The following TP53BP2 variants were observed in gnomAD, a reference collection of about 807,000 sequenced individuals.
The protein encoded by TP53BP2 is apoptosis-stimulating of p53 protein 2.
A neutral mutation model predicts 126.2 loss-of-function variants in TP53BP2; 62 were observed. The observed-to-expected ratio is 0.49, with a 90% CI of 0.40 to 0.61. The LOEUF is 0.61. TP53BP2 is among the 20% of genes least tolerant of loss of function. The pLI is 0.00. For synonymous variants in TP53BP2, 485 were observed against 502.9 expected (o/e 0.96, Z 0.48); for missense variants, 1,215 against 1,402.8 (o/e 0.87, Z 2.14).
Position 223,798,656 on chromosome 1 carries a change from T to C in TP53BP2, c.1507A>G (p.Lys503Glu). 6.2e-7 allele frequency: 1 copy of C among 1,608,078 alleles called. No homozygotes were observed. The highest frequency in any genetic ancestry group is 8.5e-7 in the Non-Finnish European group (1 of 1,176,986). ...DAQVANKNVA[K>E]VPPPVPTKPK... ...TTTGTAGGAACAGGAGGTGGTACTT[T>C]AGCCACATTTTTATTTGCAACCTAT... The change falls in exon 12 of 18, where the codon AAA becomes GAA. Residue 503 changes from lysine (K) to glutamate (E), a missense_variant. Lys to Glu is a moderately conservative substitution (Grantham distance 56, BLOSUM62 1). Coordinates refer to ENST00000343537, the MANE Select transcript of TP53BP2 (RefSeq NM_001031685.3).
rs1483620870 is a variant in TP53BP2 at position 223,798,569 on chromosome 1, G to A, written c.1594C>T (p.Pro532Ser). Residue 532 changes from proline to serine, a missense_variant, in exon 12 of 18, where the codon CCA (proline) becomes TCA (serine). Transcript: ENST00000343537. ...GACAACTGCTGAGAACTTCCGTCTG[G>A]CTTAATGTCTGAAGGTGGCTGATTA... ...QTNQPPSDIK[P>S]DGSSQQLSTV... 1 of 1,614,038 alleles carries A rather than the reference G, an allele frequency of 6.2e-7. No individual in the cohort carries two copies. Among genetic ancestry groups the A allele is most frequent in the Admixed American group, 1.7e-5 (1 of 60,002 alleles).
At chr1:223,831,153 C>G (rs189603971) in intron 1 of TP53BP2, among the ~76,000 whole-genome samples, 1 of 149,348 alleles carries the variant, frequency 6.7e-6, no homozygotes, top group Non-Finnish European at 1.5e-5. Flanking sequence ...GAGGCTGAGG[C>G]GGGAGGATCA....
chr1:223,842,524 T>C (rs1664136622), intron 1 of TP53BP2, among the ~76,000 whole-genome samples: 1 of 152,250 alleles, frequency 6.6e-6, no homozygotes, highest in African/African-American at 2.4e-5. Flanking sequence ...TCAAGCCTTC[T>C]GGTCTTCCAG....
At chr1:223,804,129 G>C (rs760619292) in intron 6 of TP53BP2, 45 bp downstream of exon 6, 9 of 1,571,718 alleles carry the variant, frequency 5.7e-6, no homozygotes, top group Middle Eastern at 1.7e-4. Context: ...AAAAAAACCA[G>C]ACAAATAAAT....
Position 223,780,889 on chromosome 1 carries a change from G to A in TP53BP2, c.3369C>T (p.Tyr1123=), listed in dbSNP as rs1345611928. The A allele has an allele frequency of 6.2e-7, 1 of 1,613,290 alleles. No homozygotes were observed. Among genetic ancestry groups the A allele is most frequent in the East Asian group, 2.2e-5 (1 of 44,880 alleles). The change falls in exon 18 of 18, where the codon TAC becomes TAT. Residue 1123 remains tyrosine, a synonymous_variant. Coordinates refer to ENST00000343537, the MANE Select transcript of TP53BP2 (RefSeq NM_001031685.3). The part of the protein sequence containing the change: ...GYVPRNLLGL[Y]PRIKPRQRSL... Reference sequence around the variant, plus strand: ...TCCTTTGTCTTGGTTTAATTCTTGGGTACAGCTGCAAGAGAGTTTAAAAAA... The same window carrying A: ...TCCTTTGTCTTGGTTTAATTCTTGGATACAGCTGCAAGAGAGTTTAAAAAA...
chr1:223,837,155 A>AGG (rs139243545), intron 1 of TP53BP2, among the ~76,000 whole-genome samples: 13,956 of 75,014 alleles, frequency 0.19, 1,056 homozygotes, highest in Non-Finnish European at 0.25. Flanking sequence ...TAAAAAAAAA[A>AGG]GGGGGGGGGC....
intron 2 of TP53BP2, among the ~76,000 whole-genome samples, chr1:223,815,918 AG>A (rs1284175134): frequency 6.6e-6 from 1 of 152,246 alleles, no homozygotes; most frequent in Non-Finnish European, 1.5e-5. Flanking sequence ...CTAGGTGTGT[AG>A]TAGGCTATAC....
chr1:223,836,050 G>C (rs1008975026), intron 1 of TP53BP2, among the ~76,000 whole-genome samples: 4 of 152,166 alleles, frequency 2.6e-5, no homozygotes, highest in Non-Finnish European at 4.4e-5. Flanking sequence ...AAAGACACAG[G>C]AAACTGTGGC....
At chr1:223,787,523 TTC>T (rs1662011944) in intron 16 of TP53BP2, among the ~76,000 whole-genome samples, 1 of 151,832 alleles carries the variant, frequency 6.6e-6, no homozygotes, top group African/African-American at 2.4e-5. Context: ...GACAAGAGGA[TTC>T]TCTGAGGCCA....
Position 223,845,734 on chromosome 1 carries a change from C to A in TP53BP2, c.-54G>T, listed in dbSNP as rs961336197. ...GCCGAGCTGAGGTGCCCCGGAGGGT[C>A]GCGGATGCGGGGGAGGGGAGCGGAG... On this transcript the variant is annotated 5_prime_UTR_variant, in exon 1 of 18. Coordinates refer to ENST00000343537, the MANE Select transcript of TP53BP2 (RefSeq NM_001031685.3). The A allele has an allele frequency of 5.4e-6, 8 of 1,474,092 alleles. No homozygotes were observed. In the African/African-American group the frequency reaches 5.8e-5, roughly 11 times the overall value. 91.3% of individuals were successfully genotyped at this position (1,474,092 alleles called of 1,614,324 possible).
chr1:223,839,227 C>A (rs1197419447), intron 1 of TP53BP2, among the ~76,000 whole-genome samples: 1 of 152,164 alleles, frequency 6.6e-6, no homozygotes, highest in Non-Finnish European at 1.5e-5. Flanking sequence ...CTACTAGTGA[C>A]CAGAAACAAA....
chr1:223,802,174 C>A lies in TP53BP2; in HGVS notation c.1167G>T (p.Gly389=). The part of the protein sequence containing the change: ...DGSLVIQASE[G]PMKIQTLPNM... ...TGGGCAGTGTCTGTATTTTCATCGG[C>A]CCCTCTGAAGCCTGAATGACCAAGG... The change falls in exon 9 of 18, where the codon GGG becomes GGT. Residue 389 remains glycine, a synonymous_variant. Transcript: ENST00000343537. 1 of 1,614,172 alleles carries A rather than the reference C, an allele frequency of 6.2e-7. No individual in the cohort carries two copies. Among genetic ancestry groups the A allele is most frequent in the Non-Finnish European group, 8.5e-7 (1 of 1,180,032 alleles).
At chr1:223,819,322 T>C (rs747679594) in intron 2 of TP53BP2, among the ~76,000 whole-genome samples, 18 of 151,952 alleles carry the variant, frequency 1.2e-4, no homozygotes, top group South Asian at 8.3e-4. Context: ...CTGGCAAAGA[T>C]AGAACACTTC....
intron 16 of TP53BP2, among the ~76,000 whole-genome samples, chr1:223,786,283 A>T (rs542750861): frequency 6.6e-6 from 1 of 152,250 alleles, no homozygotes; most frequent in African/African-American, 2.4e-5. Context: ...GTCACTACAG[A>T]CGTGAGAAGG....
intron 13 of TP53BP2, 75 bp downstream of exon 13, chr1:223,795,740 A>T (rs576350802): frequency 7.5e-7 from 1 of 1,339,000 alleles, no homozygotes; most frequent in Admixed American, 2.5e-5. Flanking sequence ...ACTGGAGAAG[A>T]TGAATGTGAC....
intron 15 of TP53BP2, among the ~76,000 whole-genome samples, chr1:223,790,982 T>C (rs189327932): frequency 1.3e-5 from 2 of 152,346 alleles, no homozygotes; most frequent in Non-Finnish European, 2.9e-5. Context: ...TGAAAAATTA[T>C]ATACAACATA....
chr1:223,788,877 G>A, intron 16 of TP53BP2, 131 bp downstream of exon 16: 1 of 865,700 alleles, frequency 1.2e-6, no homozygotes, highest in South Asian at 1.8e-5. Flanking sequence ...CAAGGCTGTT[G>A]TATTTTCAAG....
At chr1:223,812,936 G>A (rs907163079) in intron 3 of TP53BP2, among the ~76,000 whole-genome samples, 2 of 152,186 alleles carry the variant, frequency 1.3e-5, no homozygotes, top group African/African-American at 4.8e-5. Flanking sequence ...GATCTAAGGT[G>A]ATCTACCCAC....
At chr1:223,782,733 G>A (rs182639436) in intron 17 of TP53BP2, among the ~76,000 whole-genome samples, 2,239 of 152,258 alleles carry the variant, frequency 0.015, 31 homozygotes, top group Non-Finnish European at 0.021. Flanking sequence ...GATTACAGGC[G>A]TGAGCCACTA....
Sources: allele counts gnomAD v4.1 joint callset (sites outside exome capture counted in the v4.1 genomes callset), GRCh38; gene constraint gnomAD v4.1.1; transcripts MANE v1.5; gene names NCBI Gene and HGNC (gene_info 2026-07-23, HGNC 2026-07-21).